THSD7B: variants seen among roughly 807,000 people sequenced by gnomAD.
The protein encoded by THSD7B is thrombospondin type-1 domain-containing protein 7B.
In THSD7B, 138 loss-of-function variants were observed where a neutral mutation model predicts 213.6. That is an observed-to-expected ratio of 0.65 (90% CI 0.56 to 0.74). The LOEUF is 0.74. Among genes scored for constraint, THSD7B ranks in the 30% least tolerant of loss-of-function variants. THSD7B has a pLI of 0.00. For missense variants in THSD7B, 1,931 were observed against 1,991.5 expected (o/e 0.97, Z 0.58); for synonymous variants, 742 against 687.0 (o/e 1.08, Z -1.25).
intron 2 of THSD7B, among the ~76,000 whole-genome samples, chr2:137,024,133 C>G (rs1022071585): frequency 2.6e-5 from 4 of 152,104 alleles, no homozygotes; most frequent in African/African-American, 9.7e-5. Flanking sequence ...CATTTATTTG[C>G]ATTTGTTTTA....
At chr2:137,474,299 C>T (rs1040719402) in intron 15 of THSD7B, among the ~76,000 whole-genome samples, 3 of 152,128 alleles carry the variant, frequency 2.0e-5, no homozygotes, top group African/African-American at 7.2e-5. Context: ...TCTACTCATT[C>T]CTATTCACAT....
chr2:136,922,802 C>G (rs1357726852), intron 2 of THSD7B, among the ~76,000 whole-genome samples: 1 of 152,166 alleles, frequency 6.6e-6, no homozygotes, highest in Non-Finnish European at 1.5e-5. Context: ...AACAGGAAAG[C>G]GAAACATTTA....
intron 12 of THSD7B, among the ~76,000 whole-genome samples, chr2:137,284,714 G>C (rs1011550797): frequency 6.6e-6 from 1 of 151,950 alleles, no homozygotes; most frequent in African/African-American, 2.4e-5. Context: ...GTTGTTTTGA[G>C]TGAGTTTCTT....
intron 5 of THSD7B, among the ~76,000 whole-genome samples, chr2:137,122,409 G>A (rs1688561578): frequency 6.6e-6 from 1 of 152,080 alleles, no homozygotes. Flanking sequence ...GGGCCTTAAA[G>A]GAAGTTCATG....
intron 4 of THSD7B, among the ~76,000 whole-genome samples, chr2:137,101,532 G>A (rs180815877): frequency 1.9e-4 from 29 of 151,552 alleles, no homozygotes; most frequent in Non-Finnish European, 3.7e-4. Flanking sequence ...GAACACCAGC[G>A]AGACAGAACC....
intron 2 of THSD7B, among the ~76,000 whole-genome samples, chr2:137,052,908 T>C (rs1225371155): frequency 6.6e-6 from 1 of 152,194 alleles, no homozygotes; most frequent in East Asian, 1.9e-4. Context: ...TTGTAATTTG[T>C]TTTTCATTTA....
At chr2:137,025,096 G>C (rs1197735943) in intron 2 of THSD7B, among the ~76,000 whole-genome samples, 3 of 152,164 alleles carry the variant, frequency 2.0e-5, no homozygotes, top group Non-Finnish European at 4.4e-5. Flanking sequence ...CTCTTCTGCT[G>C]AGAGTTCCCC....
At chr2:137,130,841 G>T (rs1467936857) in intron 5 of THSD7B, among the ~76,000 whole-genome samples, 2 of 134,010 alleles carry the variant, frequency 1.5e-5, no homozygotes, top group South Asian at 5.0e-4. Context: ...ATAAACATAC[G>T]TGTGCATGTG....
At chr2:137,083,842 T>G (rs570843698) in intron 3 of THSD7B, among the ~76,000 whole-genome samples, 1 of 152,264 alleles carries the variant, frequency 6.6e-6, no homozygotes, top group African/African-American at 2.4e-5. Context: ...TGGATAGCAC[T>G]GTTTTTGTTA....
At chr2:137,462,117 A>C (rs944066167) in intron 15 of THSD7B, among the ~76,000 whole-genome samples, 1 of 152,112 alleles carries the variant, frequency 6.6e-6, no homozygotes, top group African/African-American at 2.4e-5. Flanking sequence ...TACATTGTGC[A>C]GCATCCTGCA....
chr2:136,813,675 A>G (rs2104932143), intron 1 of THSD7B, among the ~76,000 whole-genome samples: 1 of 152,330 alleles, frequency 6.6e-6, no homozygotes, highest in South Asian at 2.1e-4. Flanking sequence ...ACGAGTCAAT[A>G]CAATTTCTAA....
chr2:137,639,238 G>A (rs1682892429), intron 20 of THSD7B, among the ~76,000 whole-genome samples: 1 of 152,154 alleles, frequency 6.6e-6, no homozygotes, highest in South Asian at 2.1e-4. Flanking sequence ...TGGCTGAAAG[G>A]GGCCAACATG....
At chr2:137,603,968 C>A (rs7569270) in intron 17 of THSD7B, among the ~76,000 whole-genome samples, 43,094 of 151,758 alleles carry the variant, frequency 0.28, 6,582 homozygotes, top group South Asian at 0.41. Flanking sequence ...AAAATTATCC[C>A]GGCTTGGTGG....
At chr2:137,557,291 A>G (rs1259650276) in intron 15 of THSD7B, among the ~76,000 whole-genome samples, 1 of 152,206 alleles carries the variant, frequency 6.6e-6, no homozygotes, top group Admixed American at 6.5e-5. Context: ...CATAGTTGAA[A>G]GTGAAGCACT....
At chr2:137,317,467 C>A (rs1054599993) in intron 12 of THSD7B, among the ~76,000 whole-genome samples, 1 of 152,142 alleles carries the variant, frequency 6.6e-6, no homozygotes, top group South Asian at 2.1e-4. Context: ...TCAAGCAAAA[C>A]AAACAAATCA....
intron 12 of THSD7B, among the ~76,000 whole-genome samples, chr2:137,364,902 C>T (rs141065816): frequency 0.82 from 124,865 of 152,164 alleles, 51,687 homozygotes; most frequent in East Asian, 0.94. Context: ...TTAAAGTTCA[C>T]ATGGAACCAA....
chr2:137,556,521 C>A (rs1680971446), intron 15 of THSD7B, among the ~76,000 whole-genome samples: 1 of 152,112 alleles, frequency 6.6e-6, no homozygotes, highest in Admixed American at 6.6e-5. Flanking sequence ...CAGGCCTGCC[C>A]TAAAAGAGCT....
At chr2:137,565,051 TAAAGG>T (rs1558841654) in intron 16 of THSD7B, among the ~76,000 whole-genome samples, 1 of 151,768 alleles carries the variant, frequency 6.6e-6, no homozygotes, top group Non-Finnish European at 1.5e-5. Flanking sequence ...CACAGACACA[TAAAGG>T]AAAGACCATG....
chr2:137,159,434 AAATT>A (rs141042669), intron 5 of THSD7B, among the ~76,000 whole-genome samples: 6,806 of 151,622 alleles, frequency 0.045, 174 homozygotes, highest in Admixed American at 0.066. Context: ...TCTCAAAAAA[AAATT>A]AATTAATTAA....
Sources: allele counts gnomAD v4.1 joint callset (sites outside exome capture counted in the v4.1 genomes callset), GRCh38; gene constraint gnomAD v4.1.1; transcripts MANE v1.5; gene names NCBI Gene and HGNC (gene_info 2026-07-23, HGNC 2026-07-21).